TMEM181: variants seen among roughly 807,000 people sequenced by gnomAD.
TMEM181 encodes the protein transmembrane protein 181, also known as G protein-coupled receptor 178.
TMEM181 carries 39 observed loss-of-function variants against 71.9 expected under a neutral mutation model. That is an observed-to-expected ratio of 0.54 (90% CI 0.42 to 0.71). TMEM181 has a LOEUF of 0.71. TMEM181 is among the 30% of genes least tolerant of loss of function. TMEM181 has a pLI of 0.00. For missense variants in TMEM181, 595 were observed against 583.0 expected, an observed-to-expected ratio of 1.02 and a Z score of -0.21; for synonymous variants, 245 against 228.8, an observed-to-expected ratio of 1.07 and a Z score of -0.64.
chr6:158,561,426 G>A (rs1489336470), intron 1 of TMEM181, among the ~76,000 whole-genome samples: 1 of 152,228 alleles, frequency 6.6e-6, no homozygotes, highest in Non-Finnish European at 1.5e-5. Context: ...ATTCTTGTGC[G>A]GCCTATGTAA....
intron 10 of TMEM181, among the ~76,000 whole-genome samples, chr6:158,614,768 C>A (rs937362804): frequency 6.6e-6 from 1 of 152,054 alleles, no homozygotes; most frequent in Non-Finnish European, 1.5e-5. Flanking sequence ...ATAGTTTGCT[C>A]AGAATGATGG....
chr6:158,622,984 C>T (rs1448430236), intron 10 of TMEM181, among the ~76,000 whole-genome samples: 1 of 152,196 alleles, frequency 6.6e-6, no homozygotes, highest in Non-Finnish European at 1.5e-5. Flanking sequence ...AGTGTGGTAG[C>T]AGCCTGGTTC....
At chr6:158,628,802 C>T (rs1042650594) in intron 14 of TMEM181, among the ~76,000 whole-genome samples, 4 of 152,242 alleles carry the variant, frequency 2.6e-5, no homozygotes, top group African/African-American at 9.6e-5. Flanking sequence ...CTGCTTTCCA[C>T]CCAGAGGGGC....
At chr6:158,626,613 T>C (rs1786289290) in intron 13 of TMEM181, 1 of 456,484 alleles carries the variant, frequency 2.2e-6, no homozygotes, top group African/African-American at 2.0e-5. Context: ...TGAACTCAGC[T>C]CAGACTTGGA....
At chr6:158,586,200 C>T (rs757323893) in intron 5 of TMEM181, among the ~76,000 whole-genome samples, 7 of 152,220 alleles carry the variant, frequency 4.6e-5, no homozygotes, top group Non-Finnish European at 8.8e-5. Flanking sequence ...ATTTCATTGG[C>T]ACTGTATTCT....
intron 12 of TMEM181, 81 bp downstream of exon 12, chr6:158,625,287 GC>G: frequency 8.0e-7 from 1 of 1,250,550 alleles, no homozygotes; most frequent in Non-Finnish European, 1.2e-6. Context: ...AGTCTCCCAA[GC>G]CAGGGGCCTT....
At chr6:158,579,700 CAA>C (rs371758024) in intron 2 of TMEM181, among the ~76,000 whole-genome samples, 493 of 152,090 alleles carry the variant, frequency 3.2e-3, no homozygotes, top group African/African-American at 0.011. Flanking sequence ...GCCTGGGCAA[CAA>C]GAGTGAAACG....
intron 8 of TMEM181, 107 bp downstream of exon 8, chr6:158,607,450 G>A: frequency 4.0e-6 from 4 of 1,003,048 alleles, no homozygotes; most frequent in Non-Finnish European, 6.2e-6. Flanking sequence ...GGCTGGGGCA[G>A]GAGGACTGCT....
At chr6:158,603,496 G>A (rs1055800159) in intron 6 of TMEM181, among the ~76,000 whole-genome samples, 7 of 152,134 alleles carry the variant, frequency 4.6e-5, no homozygotes, top group South Asian at 2.1e-4. Context: ...GACAGGCCAC[G>A]TGGCCAGTAT....
intron 12 of TMEM181, 72 bp from the exon 13 acceptor site, chr6:158,625,631 T>G: frequency 1.4e-6 from 2 of 1,408,390 alleles, no homozygotes; most frequent in Non-Finnish European, 9.8e-7. Context: ...TAATTTTTGT[T>G]TTTTATTTTT....
At chr6:158,576,218 A>G (rs549065032) in intron 2 of TMEM181, among the ~76,000 whole-genome samples, 9 of 152,312 alleles carry the variant, frequency 5.9e-5, no homozygotes, top group Admixed American at 5.2e-4. Flanking sequence ...TTAGCACAGT[A>G]GCAGGTACCC....
At chr6:158,564,847 A>C (rs1782395042) in intron 1 of TMEM181, among the ~76,000 whole-genome samples, 1 of 152,234 alleles carries the variant, frequency 6.6e-6, no homozygotes, top group Non-Finnish European at 1.5e-5. Context: ...GGAAAAATAA[A>C]AACAACAGTG....
intron 10 of TMEM181, among the ~76,000 whole-genome samples, chr6:158,622,436 C>T (rs182277828): frequency 3.3e-5 from 5 of 151,998 alleles, no homozygotes; most frequent in African/African-American, 7.2e-5. Context: ...ATGACAGTGT[C>T]GGTGGTTGTG....
At chr6:158,563,532 C>G (rs1782307607) in intron 1 of TMEM181, among the ~76,000 whole-genome samples, 1 of 152,204 alleles carries the variant, frequency 6.6e-6, no homozygotes, top group African/African-American at 2.4e-5. Flanking sequence ...GCCCAGGTTC[C>G]TAACCACCAG....
intron 1 of TMEM181, among the ~76,000 whole-genome samples, chr6:158,564,332 C>G (rs533939040): frequency 6.6e-6 from 1 of 152,288 alleles, no homozygotes; most frequent in Non-Finnish European, 1.5e-5. Context: ...ACCCTGCTGC[C>G]TGGGGCCTCA....
At chr6:158,564,145 TC>T (rs759636947) in intron 1 of TMEM181, among the ~76,000 whole-genome samples, 29 of 152,224 alleles carry the variant, frequency 1.9e-4, no homozygotes, top group Non-Finnish European at 3.8e-4. Flanking sequence ...ATTTTAGAGT[TC>T]CTATCCTGCT....
At chr6:158,624,016 C>T (rs577253950) in intron 11 of TMEM181, among the ~76,000 whole-genome samples, 25 of 152,336 alleles carry the variant, frequency 1.6e-4, no homozygotes, top group Admixed American at 4.6e-4. Flanking sequence ...CCCATCTCGG[C>T]CTCCCAAAGT....
chr6:158,542,246 T>C (rs1012506238), intron 1 of TMEM181, among the ~76,000 whole-genome samples: 1 of 152,074 alleles, frequency 6.6e-6, no homozygotes, highest in Non-Finnish European at 1.5e-5. Flanking sequence ...GCTAACATAT[T>C]CTGAATCTCA....
intron 5 of TMEM181, among the ~76,000 whole-genome samples, chr6:158,589,322 G>A (rs957270121): frequency 3.9e-5 from 6 of 152,206 alleles, no homozygotes; most frequent in Non-Finnish European, 7.3e-5. Flanking sequence ...CATCTGCATT[G>A]ACGTGTCTTA....
Sources: gnomAD v4.1 joint callset for allele counts (sites outside exome capture counted in the v4.1 genomes callset) on GRCh38, gnomAD v4.1.1 for gene constraint, MANE v1.5 for transcripts, NCBI Gene and HGNC (gene_info 2026-07-23, HGNC 2026-07-21) for gene names.